PPP4R1: variants seen among roughly 807,000 people sequenced by gnomAD.
PPP4R1 encodes the protein protein phosphatase 4 regulatory subunit 1, also known as serine/threonine-protein phosphatase 4 regulatory subunit 1.
PPP4R1 carries 42 observed loss-of-function variants against 111.2 expected under a neutral mutation model. That is an observed-to-expected ratio of 0.38 (90% CI 0.29 to 0.49). The LOEUF is 0.49. PPP4R1 is among the 20% of genes least tolerant of loss of function. The pLI, the probability that PPP4R1 is intolerant of heterozygous loss-of-function variation, is 0.97. For missense variants in PPP4R1, 1,012 were observed against 1,161.6 expected, an observed-to-expected ratio of 0.87 and a Z score of 1.87; for synonymous variants, 409 against 405.5, an observed-to-expected ratio of 1.01 and a Z score of -0.10.
At chr18:9,567,040 A>G (rs2066779653) in intron 11 of PPP4R1, among the ~76,000 whole-genome samples, 1 of 152,188 alleles carries the variant, frequency 6.6e-6, no homozygotes, top group Non-Finnish European at 1.5e-5. Context: ...TCAGGAATAC[A>G]TTCTGTAAAG....
chr18:9,614,350 C>T lies in PPP4R1; in HGVS notation c.8-80G>A, dbSNP rs1156781877. ...CGCCCCCCCCCCGCCCGCCTCCCCCCCGCCCCGGGGGCGCCTTCCCGCGCC... is the reference window on the plus strand; with the variant it reads ...CGCCCCCCCCCCGCCCGCCTCCCCCTCGCCCCGGGGGCGCCTTCCCGCGCC... On this transcript the variant is annotated intron_variant, in intron 1 of 19. Coordinates refer to ENST00000400556, the MANE Select transcript of PPP4R1 (RefSeq NM_001042388.3). The surrounding 1 kb of genome is among the most constrained non-coding windows in gnomAD (Gnocchi z 4.1). 4.7e-6 allele frequency: 5 copies of T among 1,075,150 alleles called. No individual in the cohort carries two copies. The African/African-American group carries it at 8.6e-5, about 19-fold the overall frequency. The allele number at this position is 1,075,150 out of a possible 1,614,324, so 66.6% of individuals were successfully genotyped here. A position where few individuals can be genotyped will look rare whatever the true frequency, so the allele number is the denominator to read the frequency against.
chr18:9,592,907 T>G (rs975513012), intron 4 of PPP4R1, among the ~76,000 whole-genome samples: 1 of 152,196 alleles, frequency 6.6e-6, no homozygotes, highest in Non-Finnish European at 1.5e-5. Flanking sequence ...AGCAATTATG[T>G]ACACAAAGGT....
intron 2 of PPP4R1, among the ~76,000 whole-genome samples, chr18:9,611,638 T>C (rs891729925): frequency 2.0e-5 from 3 of 152,244 alleles, no homozygotes; most frequent in Non-Finnish European, 4.4e-5. Context: ...TTCAACCAAA[T>C]TATGAATATG....
In PPP4R1 at chr18:9,614,146, C is replaced by T; in HGVS notation, c.52+80G>A. 8.5e-7 allele frequency: 1 copy of T among 1,176,386 alleles called. No homozygotes were observed. Among genetic ancestry groups the T allele is most frequent in the Non-Finnish European group, 1.1e-6 (1 of 929,454 alleles). The allele number at this position is 1,176,386 out of a possible 1,614,324, so 72.9% of individuals were successfully genotyped here. A position where few individuals can be genotyped will look rare whatever the true frequency, so the allele number is the denominator to read the frequency against. On this transcript the variant is annotated intron_variant, in intron 2 of 19. Coordinates refer to ENST00000400556, the MANE Select transcript of PPP4R1 (RefSeq NM_001042388.3). The surrounding 1 kb of genome is among the most constrained non-coding windows in gnomAD (Gnocchi z 4.1). ...ACCGTCCCCTCAGCCAGCCAGGGCC[C>T]GGCCCAGGCCTCGCCGCCGCCCGCC...
intron 2 of PPP4R1, among the ~76,000 whole-genome samples, chr18:9,605,566 C>CAAAAAAAAAAAAAAAAAAAAA (rs34208690): frequency 1.5e-5 from 1 of 67,638 alleles, no homozygotes; most frequent in African/African-American, 5.9e-5. Context: ...GCAGTCCTGT[C>CAAAAAAAAAAAAAAAAAAAAA]AAAAAAAAAA....
At chr18:9,586,838 G>A (rs550489370) in intron 6 of PPP4R1, among the ~76,000 whole-genome samples, 3 of 152,212 alleles carry the variant, frequency 2.0e-5, no homozygotes, top group Admixed American at 1.3e-4. Context: ...TCAGGAACCA[G>A]ATGTGAATCA....
chr18:9,551,040 G>A (rs1361008168), intron 16 of PPP4R1: 1 of 152,258 alleles, frequency 6.6e-6, no homozygotes, highest in African/African-American at 2.4e-5. Context: ...AAAGTCAACT[G>A]TAACATGAAT....
At chr18:9,549,752 C>T (rs917862330) in intron 18 of PPP4R1, 19 of 519,036 alleles carry the variant, frequency 3.7e-5, no homozygotes, top group South Asian at 6.8e-5. Flanking sequence ...CATATACACA[C>T]GTCTGAATGT....
intron 2 of PPP4R1, among the ~76,000 whole-genome samples, chr18:9,601,936 CA>C: frequency 6.6e-6 from 1 of 152,170 alleles, no homozygotes; most frequent in African/African-American, 2.4e-5. Flanking sequence ...CTTCTAGTTC[CA>C]AATTATGAAA....
chr18:9,616,926 T>C (rs2067693440), upstream of PPP4R1, among the ~76,000 whole-genome samples: 1 of 152,248 alleles, frequency 6.6e-6, no homozygotes, highest in African/African-American at 2.4e-5. Context: ...GAAGTGCCTT[T>C]AAGCAATATG....
intron 2 of PPP4R1, among the ~76,000 whole-genome samples, chr18:9,606,706 G>A (rs769696148): frequency 1.3e-4 from 20 of 151,722 alleles, no homozygotes; most frequent in Admixed American, 6.6e-4. Flanking sequence ...TACACCATAT[G>A]TATAATGTAT....
At chr18:9,611,029 G>A (rs2067570599) in intron 2 of PPP4R1, among the ~76,000 whole-genome samples, 1 of 152,004 alleles carries the variant, frequency 6.6e-6, no homozygotes, top group African/African-American at 2.4e-5. Context: ...CAAATCGAAA[G>A]ACCTGAGACT....
At chr18:9,602,365 A>AC (rs2067399713) in intron 2 of PPP4R1, among the ~76,000 whole-genome samples, 3 of 82,846 alleles carry the variant, frequency 3.6e-5, no homozygotes, top group Non-Finnish European at 6.8e-5. Flanking sequence ...CCCCATCTCT[A>AC]CTAAAAAAAA....
In PPP4R1 at chr18:9,583,100, G is replaced by T; in HGVS notation, c.918+17C>A. 1 of 1,580,016 alleles carries T rather than the reference G, an allele frequency of 6.3e-7. No individual in the cohort carries two copies. Among genetic ancestry groups the T allele is most frequent in the Non-Finnish European group, 8.6e-7 (1 of 1,158,272 alleles). On this transcript the variant is annotated intron_variant, in intron 9 of 19. Coordinates refer to ENST00000400556, the MANE Select transcript of PPP4R1 (RefSeq NM_001042388.3). ...CACAAATGTATTATTTTACAAAAGTGATAATCAAAACCCTACCCAACGTGA... is the reference window on the plus strand; with the variant it reads ...CACAAATGTATTATTTTACAAAAGTTATAATCAAAACCCTACCCAACGTGA...
intron 2 of PPP4R1, among the ~76,000 whole-genome samples, chr18:9,598,323 G>T (rs2067323672): frequency 6.6e-6 from 1 of 152,086 alleles, no homozygotes; most frequent in Non-Finnish European, 1.5e-5. Flanking sequence ...GATTCAAGGG[G>T]TTCAATGAAA....
intron 10 of PPP4R1, among the ~76,000 whole-genome samples, chr18:9,571,841 G>T (rs903540112): frequency 6.6e-6 from 1 of 152,176 alleles, no homozygotes; most frequent in Non-Finnish European, 1.5e-5. Context: ...GCAGACCTCC[G>T]GAGTTCATCC....
intron 2 of PPP4R1, among the ~76,000 whole-genome samples, chr18:9,611,201 T>G (rs1316492167): frequency 6.6e-6 from 1 of 152,140 alleles, no homozygotes; most frequent in Non-Finnish European, 1.5e-5. Context: ...GAAAACAATT[T>G]CTTCCCATCC....
chr18:9,549,050 GA>G, intron 19 of PPP4R1, 146 bp downstream of exon 19: 1 of 1,027,430 alleles, frequency 9.7e-7, no homozygotes, highest in Non-Finnish European at 1.4e-6. Context: ...CCTCTTGGGA[GA>G]ATCACCGGAA....
intron 2 of PPP4R1, among the ~76,000 whole-genome samples, chr18:9,595,442 T>C (rs144594009): frequency 8.5e-5 from 13 of 152,272 alleles, no homozygotes; most frequent in Admixed American, 3.3e-4. Context: ...CTTGAGAACA[T>C]GTTCAATCAA....
Sources: gnomAD v4.1 joint callset for allele counts (sites outside exome capture counted in the v4.1 genomes callset) on GRCh38, gnomAD v4.1.1 for gene constraint, Gnocchi (gnomAD v3.1) non-coding constraint, MANE v1.5 for transcripts, NCBI Gene and HGNC (gene_info 2026-07-23, HGNC 2026-07-21) for gene names.